Variants in MCF2L observed in about 807,000 individuals in gnomAD.
MCF2L encodes guanine nucleotide exchange factor DBS.
Under a neutral mutation model 153.4 loss-of-function variants are expected in MCF2L, and 97 were observed. The observed-to-expected ratio is 0.63, with a 90% CI of 0.54 to 0.75. MCF2L has a LOEUF of 0.75. Ranked by LOEUF, MCF2L falls within the 30% of genes least tolerant of loss-of-function variation. MCF2L has a pLI of 0.00. For synonymous variants in MCF2L, 659 were observed against 632.2 expected (o/e 1.04, Z -0.64); for missense variants, 1,347 against 1,495.2 (o/e 0.90, Z 1.64).
At chr13:112,931,279 G>T (rs1179667400) in intron 2 of MCF2L, among the ~76,000 whole-genome samples, 2 of 152,214 alleles carry the variant, frequency 1.3e-5, no homozygotes, top group Non-Finnish European at 2.9e-5. Flanking sequence ...CAGGAGTGGG[G>T]TCTGTGAGAC....
chr13:113,002,428 C>T (rs55735944), intron 1 of MCF2L, among the ~76,000 whole-genome samples: 32,907 of 152,246 alleles, frequency 0.22, 4,007 homozygotes, highest in Non-Finnish European at 0.27. Context: ...TTGGAGGGGA[C>T]GCCTGGCCAC....
At chr13:112,964,116 C>T (rs1278930226) in intron 2 of MCF2L, among the ~76,000 whole-genome samples, 14 of 93,022 alleles carry the variant, frequency 1.5e-4, no homozygotes, top group African/African-American at 2.2e-4. Flanking sequence ...GGCGGGGGGG[C>T]GGGGGGGCCC....
rs928365611 is a variant in MCF2L at position 112,951,074 on chromosome 13, A to G, written c.169+48703A>G. ...GCAACAGACATAGAGACATTCCACCAAAGATGCCACAGTGAGGGCAGAAGA... is the reference window on the plus strand; with the variant it reads ...GCAACAGACATAGAGACATTCCACCGAAGATGCCACAGTGAGGGCAGAAGA... On this transcript the variant is annotated intron_variant, in intron 2 of 29. Transcript: ENST00000375608. This position sits in a 1 kb window ranked among gnomAD's most constrained non-coding sequence, Gnocchi z 4.8. Among the ~76,000 whole-genome samples, 1 of 152,242 alleles carries G rather than the reference A, an allele frequency of 6.6e-6. No homozygotes were observed.
At chr13:113,026,370 G>C (rs2085306990) in intron 3 of MCF2L, among the ~76,000 whole-genome samples, 1 of 152,232 alleles carries the variant, frequency 6.6e-6, no homozygotes, top group South Asian at 2.1e-4. Flanking sequence ...TTAGAGCTTT[G>C]TCAGCATCAT....
At chr13:113,003,089 T>C (rs2083472003) in intron 1 of MCF2L, among the ~76,000 whole-genome samples, 1 of 151,242 alleles carries the variant, frequency 6.6e-6, no homozygotes, top group African/African-American at 2.4e-5. Flanking sequence ...GAGGGGAGAA[T>C]CATTTGAGCC....
intron 1 of MCF2L, among the ~76,000 whole-genome samples, chr13:112,990,657 G>A (rs1035400918): frequency 6.6e-6 from 1 of 152,224 alleles, no homozygotes; most frequent in African/African-American, 2.4e-5. Context: ...ACTGCTTTCT[G>A]TGTGGAGCTA....
intron 1 of MCF2L, among the ~76,000 whole-genome samples, chr13:112,971,140 G>T (rs1387435051): frequency 6.6e-6 from 1 of 152,202 alleles, no homozygotes; most frequent in African/African-American, 2.4e-5. Context: ...TAGGTTGAAG[G>T]CTGTAAAACC....
chr13:112,934,585 T>C (rs1223213983), intron 2 of MCF2L, among the ~76,000 whole-genome samples: 2 of 33,410 alleles, frequency 6.0e-5, no homozygotes, highest in African/African-American at 2.3e-4. Context: ...GCTGCTGGTC[T>C]GGAGACCCCA....
intron 2 of MCF2L, among the ~76,000 whole-genome samples, chr13:112,959,310 A>G (rs1311512086): frequency 6.6e-6 from 1 of 151,954 alleles, no homozygotes; most frequent in Non-Finnish European, 1.5e-5. Context: ...TGTCAGTTAT[A>G]TTTATATTAT....
upstream of MCF2L, chr13:112,965,889 C>T (rs539988151): frequency 6.6e-6 from 1 of 152,294 alleles, no homozygotes; most frequent in African/African-American, 2.4e-5. Context: ...CGGCTTGGGA[C>T]CTTACCTAAG....
chr13:112,986,011 C>A (rs1052106322), intron 1 of MCF2L, among the ~76,000 whole-genome samples: 1 of 152,262 alleles, frequency 6.6e-6, no homozygotes, highest in Non-Finnish European at 1.5e-5. Context: ...CTTCCCGTCC[C>A]GTGGTCAGTG....
intron 2 of MCF2L, among the ~76,000 whole-genome samples, chr13:113,023,548 T>C (rs1345817379): frequency 6.6e-6 from 1 of 152,142 alleles, no homozygotes; most frequent in East Asian, 1.9e-4. Context: ...TGTCGGAGGC[T>C]GTGTGCACCC....
At chr13:112,920,957 G>C (rs567647622) in intron 2 of MCF2L, among the ~76,000 whole-genome samples, 1 of 151,860 alleles carries the variant, frequency 6.6e-6, no homozygotes, top group Admixed American at 6.6e-5. Flanking sequence ...CACGAGGTCA[G>C]GAGATTGAGA....
chr13:113,004,987 G>A (rs1383929304), intron 1 of MCF2L, among the ~76,000 whole-genome samples: 2 of 152,196 alleles, frequency 1.3e-5, no homozygotes, highest in African/African-American at 4.8e-5. Context: ...TTGGAGCCAG[G>A]AGTCCCCACT....
intron 2 of MCF2L, among the ~76,000 whole-genome samples, chr13:113,022,663 A>G (rs1279097912): frequency 6.6e-6 from 1 of 152,062 alleles, no homozygotes; most frequent in Non-Finnish European, 1.5e-5. Context: ...GAACACTCTT[A>G]CCTTTAATGG....
At chr13:112,954,142 C>T (rs1184577500) in intron 2 of MCF2L, among the ~76,000 whole-genome samples, 2 of 152,136 alleles carry the variant, frequency 1.3e-5, no homozygotes, top group East Asian at 3.9e-4. Context: ...TCTTGTCACC[C>T]GAGGAGAGGG....
At chr13:112,911,064 C>T (rs1249624378) in intron 2 of MCF2L, among the ~76,000 whole-genome samples, 1 of 152,200 alleles carries the variant, frequency 6.6e-6, no homozygotes, top group Non-Finnish European at 1.5e-5. Context: ...CCTGGCCGCT[C>T]CCCGGCGTCA....
At chr13:113,026,504 A>C (rs568154371) in intron 3 of MCF2L, among the ~76,000 whole-genome samples, 1 of 152,316 alleles carries the variant, frequency 6.6e-6, no homozygotes, top group South Asian at 2.1e-4. Flanking sequence ...GTTGCTCAGC[A>C]GTCGGGATCT....
In MCF2L at chr13:113,096,382, A is replaced by G; in HGVS notation, c.3087A>G (p.Lys1029=). 1 of 1,581,192 alleles carries G rather than the reference A, an allele frequency of 6.3e-7. No homozygotes were observed. The highest frequency in any genetic ancestry group is 8.6e-7 in the Non-Finnish European group (1 of 1,164,752). ...CCGTCTCCCACCAGGTTCCAGGTAA[A>G]TACACGGTCGTGGCGGACCACGAGA... ...GLGPKKLVPG[K]YTVVADHEKG... Residue 1029 remains lysine, a synonymous_variant, in exon 28 of 30, where the codon AAA becomes AAG. Coordinates refer to ENST00000535094, the MANE Select transcript of MCF2L (RefSeq NM_001112732.3).
Sources: gnomAD v4.1 joint callset for allele counts (sites outside exome capture counted in the v4.1 genomes callset) on GRCh38, gnomAD v4.1.1 for gene constraint, Gnocchi (gnomAD v3.1) non-coding constraint, MANE v1.5 for transcripts, NCBI Gene and HGNC (gene_info 2026-07-23, HGNC 2026-07-21) for gene names.